PIP4K2A: variants seen among roughly 807,000 people sequenced by gnomAD.
The protein encoded by PIP4K2A is phosphatidylinositol 5-phosphate 4-kinase type-2 alpha.
Under a neutral mutation model 42.9 loss-of-function variants are expected in PIP4K2A, and 14 were observed. That is an observed-to-expected ratio of 0.33 (90% CI 0.22 to 0.51). The LOEUF (loss-of-function observed/expected upper bound fraction) is 0.51, where lower values mean the gene tolerates loss of function less well. PIP4K2A is among the 20% of genes least tolerant of loss of function. The pLI, the probability that PIP4K2A is intolerant of heterozygous loss-of-function variation, is 0.97. For missense variants in PIP4K2A, 434 were observed against 519.8 expected (o/e 0.83, Z 1.61); for synonymous variants, 192 against 192.2 (o/e 1.00, Z 0.01).
intron 3 of PIP4K2A, among the ~76,000 whole-genome samples, chr10:22,605,175 A>T (rs983716730): frequency 6.6e-6 from 1 of 152,254 alleles, no homozygotes; most frequent in Non-Finnish European, 1.5e-5. Context: ...AGTGACTCTG[A>T]ATACACACTT....
chr10:22,683,897 G>T (rs1460521017), intron 1 of PIP4K2A, among the ~76,000 whole-genome samples: 1 of 150,376 alleles, frequency 6.6e-6, no homozygotes, highest in Non-Finnish European at 1.5e-5. Context: ...GTCAGATCTT[G>T]AAATATTTTC....
At chr10:22,658,595 T>A (rs113984069) in intron 1 of PIP4K2A, among the ~76,000 whole-genome samples, 4,456 of 152,316 alleles carry the variant, frequency 0.029, 228 homozygotes, top group African/African-American at 0.099. Flanking sequence ...CCTGCTTTTT[T>A]AAAAAATGTA....
At chr10:22,666,159 T>G (rs1411856352) in intron 1 of PIP4K2A, among the ~76,000 whole-genome samples, 1 of 152,206 alleles carries the variant, frequency 6.6e-6, no homozygotes, top group Non-Finnish European at 1.5e-5. Context: ...TTCATTACTC[T>G]CCTTGTTTCC....
intron 4 of PIP4K2A, among the ~76,000 whole-genome samples, chr10:22,584,277 AT>A: frequency 6.6e-6 from 1 of 151,808 alleles, no homozygotes; most frequent in East Asian, 1.9e-4. Context: ...ATTTTGAAAA[AT>A]CTTCTGGAAA....
intron 1 of PIP4K2A, among the ~76,000 whole-genome samples, chr10:22,698,257 T>TG (rs1295436692): frequency 2.6e-5 from 4 of 152,072 alleles, no homozygotes; most frequent in African/African-American, 9.7e-5. Context: ...TAAAAGCATA[T>TG]GGGAAAAAAG....
Position 22,566,238 on chromosome 10 carries a change from C to T in PIP4K2A, c.678+1613G>A, listed in dbSNP as rs914179543. ...ACCAACGTGTGATGTCTCCCCTGGA[C>T]GCCCAGCTTTAAAATTTCTCTCTTT... On this transcript the variant is annotated intron_variant, in intron 6 of 9. Transcript: ENST00000376573. 2.0e-4 allele frequency among the ~76,000 whole-genome samples: 30 copies of T among 152,238 alleles called. 2 individuals are homozygous for T. Among genetic ancestry groups the T allele is most frequent in the Middle Eastern group, 3.4e-3 (1 of 294 alleles).
intron 7 of PIP4K2A, among the ~76,000 whole-genome samples, chr10:22,545,326 T>C (rs1251680593): frequency 1.3e-5 from 2 of 152,242 alleles, no homozygotes; most frequent in African/African-American, 4.8e-5. Flanking sequence ...CAGGAAGGTC[T>C]ACTGGTTGAC....
At chr10:22,658,345 A>C (rs1839141403) in intron 1 of PIP4K2A, among the ~76,000 whole-genome samples, 2 of 152,236 alleles carry the variant, frequency 1.3e-5, no homozygotes, top group Non-Finnish European at 2.9e-5. Flanking sequence ...AAAGAACTGA[A>C]ATACTTTACA....
intron 1 of PIP4K2A, among the ~76,000 whole-genome samples, chr10:22,701,095 C>G (rs1833706879): frequency 6.6e-6 from 1 of 152,118 alleles, no homozygotes; most frequent in Non-Finnish European, 1.5e-5. Flanking sequence ...TGAAGAATTT[C>G]AAGAGCCTAC....
intron 2 of PIP4K2A, among the ~76,000 whole-genome samples, chr10:22,609,152 T>G (rs753509720): frequency 6.6e-6 from 1 of 152,224 alleles, no homozygotes; most frequent in Non-Finnish European, 1.5e-5. Flanking sequence ...AGGTGCTTCA[T>G]AATGACGTCT....
At chr10:22,664,168 C>CATATATATACACATATAT (rs1839292298) in intron 1 of PIP4K2A, among the ~76,000 whole-genome samples, 1 of 30,228 alleles carries the variant, frequency 3.3e-5, no homozygotes, top group South Asian at 8.1e-4. Flanking sequence ...TATATATATA[C>CATATATATACACATATAT]ATATATATAT....
rs1554791611 is a variant in PIP4K2A, at chr10:22,536,725, A to AAAAAAAAAAAAAAAAAAC, written c.*475_*476insGTTTTTTTTTTTTTTTTT. 8.1e-6 allele frequency: 1 copy of AAAAAAAAAAAAAAAAAAC among 124,100 alleles called. No homozygotes were observed. The highest frequency in any genetic ancestry group is 3.0e-4 in the East Asian group (1 of 3,380). The allele number at this position is 124,100 out of a possible 1,614,324, so 7.7% of individuals were successfully genotyped here. A position where few individuals can be genotyped will look rare whatever the true frequency, so the allele number is the denominator to read the frequency against. On this transcript the variant is annotated 3_prime_UTR_variant, in exon 10 of 10. Transcript: ENST00000376573. ...ACATCTTTCAACTCCAAAAAAAAAAAAAAAAAAAAAAAACTGATCCACAGT... is the reference window on the plus strand; with the variant it reads ...ACATCTTTCAACTCCAAAAAAAAAAAAAAAAAAAAAAAAAAAACAAAAAAAAAAAAACTGATCCACAGT...
Position 22,536,420 on chromosome 10 carries a change from T to C in PIP4K2A, c.*781A>G. On this transcript the variant is annotated 3_prime_UTR_variant, in exon 10 of 10. Transcript: ENST00000376573. The stretch of plus-strand genomic sequence containing the variant: ...TGGACATATTGGCCGAGGTGAAAAA[T>C]GTATAGAGAATCACTGGGGCATCAG... 1 of 265,884 alleles carries C rather than the reference T, an allele frequency of 3.8e-6. No individual in the cohort carries two copies. Among genetic ancestry groups the C allele is most frequent in the East Asian group, 6.1e-5 (1 of 16,268 alleles). 16.5% of individuals were successfully genotyped at this position (265,884 alleles called of 1,614,324 possible).
chr10:22,552,284 G>A (rs1487178727), intron 6 of PIP4K2A, among the ~76,000 whole-genome samples: 5 of 152,174 alleles, frequency 3.3e-5, no homozygotes, highest in African/African-American at 1.2e-4. Flanking sequence ...GGATGTGTAT[G>A]TAAGATGTAA....
chr10:22,611,615 A>T (rs1450890443), intron 1 of PIP4K2A, among the ~76,000 whole-genome samples: 3 of 152,218 alleles, frequency 2.0e-5, no homozygotes, highest in African/African-American at 7.2e-5. Context: ...CCACTGAACA[A>T]AAACAGGAAT....
intron 2 of PIP4K2A, 99 bp downstream of exon 2, chr10:22,609,521 T>A: frequency 1.4e-6 from 1 of 723,976 alleles, no homozygotes; most frequent in Admixed American, 2.3e-5. Flanking sequence ...AGCAAAACTT[T>A]ACTCCCACCC....
At chr10:22,545,489 C>A (rs556257530) in intron 7 of PIP4K2A, among the ~76,000 whole-genome samples, 1 of 152,206 alleles carries the variant, frequency 6.6e-6, no homozygotes, top group Admixed American at 6.5e-5. Flanking sequence ...CTGGGTTCCT[C>A]GCCACACCGG....
At chr10:22,626,868 G>A (rs1460856145) in intron 1 of PIP4K2A, among the ~76,000 whole-genome samples, 1 of 152,118 alleles carries the variant, frequency 6.6e-6, no homozygotes, top group Non-Finnish European at 1.5e-5. Flanking sequence ...AAAAACAACT[G>A]TCACAGTTTC....
intron 1 of PIP4K2A, among the ~76,000 whole-genome samples, chr10:22,651,756 C>T (rs1489908199): frequency 6.6e-6 from 1 of 152,220 alleles, no homozygotes; most frequent in African/African-American, 2.4e-5. Flanking sequence ...TGTGCTGGTG[C>T]CCGGGAGGCA....
Sources: allele counts gnomAD v4.1 joint callset (sites outside exome capture counted in the v4.1 genomes callset), GRCh38; gene constraint gnomAD v4.1.1; transcripts MANE v1.5; gene names NCBI Gene and HGNC (gene_info 2026-07-23, HGNC 2026-07-21).